The following DPRX variants were observed in gnomAD, a reference collection of about 807,000 sequenced individuals.
The protein encoded by DPRX is divergent-paired related homeobox, also known as divergent paired-related homeobox.
DPRX carries 11 observed loss-of-function variants against 8.4 expected under a neutral mutation model. That is an observed-to-expected ratio of 1.31 (90% CI 0.82 to 2.17). The LOEUF (loss-of-function observed/expected upper bound fraction) is 2.17. DPRX is among the 30% of genes most tolerant of loss of function. The probability of loss-of-function intolerance (pLI) is 0.00; values close to 1 mark genes in which losing one functional copy is unlikely to be tolerated. For missense variants in DPRX, 211 were observed against 236.7 expected (o/e 0.89, Z 0.71); for synonymous variants, 72 against 87.0 (o/e 0.83, Z 0.96).
chr19:53,617,580 A>G, the DPRX span, among the ~76,000 whole-genome samples: 21 of 151,690 alleles, frequency 1.4e-4, no homozygotes, highest in African/African-American at 3.9e-4. Flanking sequence ...AAAAAAGAAA[A>G]AAAAAAAGAA....
intron 2 of DPRX, among the ~76,000 whole-genome samples, chr19:53,635,629 C>T (rs1396823442): frequency 2.6e-5 from 4 of 152,182 alleles, no homozygotes; most frequent in Admixed American, 2.6e-4. Flanking sequence ...GATCCACCCA[C>T]CTCAGCCTCC....
the DPRX span, among the ~76,000 whole-genome samples, chr19:53,603,732 T>C: frequency 6.6e-6 from 1 of 151,820 alleles, no homozygotes; most frequent in Non-Finnish European, 1.5e-5. Context: ...TTTTTTCCTT[T>C]TTTTCTTTTC....
the DPRX span, among the ~76,000 whole-genome samples, chr19:53,619,216 A>G: frequency 1.3e-5 from 2 of 152,062 alleles, no homozygotes; most frequent in African/African-American, 4.8e-5. Flanking sequence ...AGAGTAAGAC[A>G]GGAAAGGATG....
chr19:53,603,896 C>T, the DPRX span, among the ~76,000 whole-genome samples: 9 of 151,878 alleles, frequency 5.9e-5, no homozygotes, highest in Non-Finnish European at 8.8e-5. Flanking sequence ...CAGGAGACCA[C>T]CACCACGCCC....
chr19:53,631,857 G>A (rs540788337), upstream of DPRX, among the ~76,000 whole-genome samples: 1 of 152,250 alleles, frequency 6.6e-6, no homozygotes, highest in East Asian at 1.9e-4. Flanking sequence ...GAGTGTTAGT[G>A]GGGCTGGTTT....
At chr19:53,632,220 C>A in intron 1 of DPRX, 86 bp downstream of exon 1, 11 of 1,590,196 alleles carry the variant, frequency 6.9e-6, no homozygotes, top group Non-Finnish European at 9.5e-6. Flanking sequence ...AGGGACCAGG[C>A]GGCCGAAGCT....
At chr19:53,620,202 TG>T in the DPRX span, among the ~76,000 whole-genome samples, 9 of 152,050 alleles carry the variant, frequency 5.9e-5, no homozygotes, top group Non-Finnish European at 7.4e-5. Context: ...CCCCAGTAGC[TG>T]GGACTACAGG....
chr19:53,629,006 A>G (rs1600568348), upstream of DPRX, among the ~76,000 whole-genome samples: 1 of 151,778 alleles, frequency 6.6e-6, no homozygotes, highest in Non-Finnish European at 1.5e-5. Flanking sequence ...TATCCATACA[A>G]TGGAGTATAA....
At chr19:53,615,208 G>A in the DPRX span, among the ~76,000 whole-genome samples, 3 of 152,046 alleles carry the variant, frequency 2.0e-5, no homozygotes, top group East Asian at 5.8e-4. Context: ...CTGGCCTTAG[G>A]TGACCCGCCC....
chr19:53,625,701 G>A, the DPRX span, among the ~76,000 whole-genome samples: 4,151 of 151,228 alleles, frequency 0.027, 174 homozygotes, highest in African/African-American at 0.095. Context: ...GCAATGGTGT[G>A]ATCTCAGCTC....
At chr19:53,616,949 T>TCC in the DPRX span, 2 of 1,278,174 alleles carry the variant, frequency 1.6e-6, no homozygotes, top group Admixed American at 3.4e-5. Flanking sequence ...AGAGGAATCG[T>TCC]TTATGATGTT....
chr19:53,603,629 T>G, the DPRX span: 1 of 254,882 alleles, frequency 3.9e-6, no homozygotes. Flanking sequence ...CCACGGTAGC[T>G]CCCACGTATC....
chr19:53,609,890 A>C, the DPRX span, among the ~76,000 whole-genome samples: 1 of 151,958 alleles, frequency 6.6e-6, no homozygotes, highest in Admixed American at 6.6e-5. Context: ...GAGGCTGAGG[A>C]AGGAGAATTG....
chr19:53,634,794 A>C, intron 2 of DPRX, 109 bp downstream of exon 2: 1 of 1,415,004 alleles, frequency 7.1e-7, no homozygotes, highest in Admixed American at 2.3e-5. Flanking sequence ...AATATTCCCC[A>C]AACCCACACT....
At chr19:53,611,616 A>T in the DPRX span, among the ~76,000 whole-genome samples, 31 of 152,150 alleles carry the variant, frequency 2.0e-4, no homozygotes, top group East Asian at 7.7e-4. Flanking sequence ...AGAGATTTTT[A>T]AAAAAAACAT....
chr19:53,626,313 AG>A, the DPRX span, among the ~76,000 whole-genome samples: 1 of 152,062 alleles, frequency 6.6e-6, no homozygotes, highest in Admixed American at 6.6e-5. Flanking sequence ...TCCTCACCTC[AG>A]GTGATCCACC....
At chr19:53,613,698 A>G in the DPRX span, among the ~76,000 whole-genome samples, 1 of 151,550 alleles carries the variant, frequency 6.6e-6, no homozygotes, top group Admixed American at 6.6e-5. Context: ...ACTAGAAGGA[A>G]GGGAAGAGTG....
the DPRX span, among the ~76,000 whole-genome samples, chr19:53,614,158 G>C: frequency 0.24 from 36,660 of 151,882 alleles, 4,588 homozygotes; most frequent in Middle Eastern, 0.36. Context: ...CACCATGTTA[G>C]CTAGGATGGT....
At chr19:53,622,521 T>C in the DPRX span, among the ~76,000 whole-genome samples, 2 of 152,094 alleles carry the variant, frequency 1.3e-5, no homozygotes, top group African/African-American at 4.8e-5. Context: ...TTACTGTACT[T>C]TTACAGGGCT....
Sources: allele counts gnomAD v4.1 joint callset (sites outside exome capture counted in the v4.1 genomes callset), GRCh38; gene constraint gnomAD v4.1.1; transcripts MANE v1.5; gene names NCBI Gene and HGNC (gene_info 2026-07-23, HGNC 2026-07-21).